SPIDR: variants seen among roughly 807,000 people sequenced by gnomAD.
SPIDR encodes DNA repair-scaffolding protein.
In SPIDR, 93 loss-of-function variants were observed where a neutral mutation model predicts 104.6. That is an observed-to-expected ratio of 0.89 (90% CI 0.75 to 1.06). SPIDR has a LOEUF of 1.06. Ranked by LOEUF, SPIDR falls within the 50% of genes least tolerant of loss-of-function variation. The probability of loss-of-function intolerance (pLI) is 0.00; values close to 1 mark genes in which losing one functional copy is unlikely to be tolerated. For synonymous variants in SPIDR, 431 were observed against 416.9 expected, an observed-to-expected ratio of 1.03 and a Z score of -0.41; for missense variants, 1,154 against 1,111.2, an observed-to-expected ratio of 1.04 and a Z score of -0.55.
intron 8 of SPIDR, among the ~76,000 whole-genome samples, chr8:47,566,152 A>G (rs2057811915): frequency 6.6e-6 from 1 of 150,706 alleles, no homozygotes; most frequent in Admixed American, 6.6e-5. Context: ...GACTACAGGC[A>G]TGAGCCACCA....
intron 10 of SPIDR, among the ~76,000 whole-genome samples, chr8:47,604,538 G>A (rs1408894909): frequency 6.6e-6 from 1 of 152,208 alleles, no homozygotes; most frequent in African/African-American, 2.4e-5. Flanking sequence ...CCGTAGTCCA[G>A]GTCAGAGAGG....
chr8:47,457,902 T>C (rs2073263854), intron 8 of SPIDR, among the ~76,000 whole-genome samples: 2 of 152,204 alleles, frequency 1.3e-5, no homozygotes, highest in African/African-American at 4.8e-5. Context: ...TCAGTGGCTG[T>C]AAGTATTTGG....
intron 8 of SPIDR, among the ~76,000 whole-genome samples, chr8:47,492,081 C>A (rs113340596): frequency 2.0e-5 from 3 of 151,950 alleles, no homozygotes; most frequent in African/African-American, 7.2e-5. Flanking sequence ...GAGAAGCCTG[C>A]ATAACTAGAC....
At chr8:47,578,612 T>A (rs2059387680) in intron 8 of SPIDR, among the ~76,000 whole-genome samples, 2 of 152,214 alleles carry the variant, frequency 1.3e-5, no homozygotes, top group Non-Finnish European at 2.9e-5. Context: ...TGTCTGAAAC[T>A]TGTTACTTTT....
chr8:47,562,830 C>G (rs1194618277), intron 8 of SPIDR, among the ~76,000 whole-genome samples: 1 of 152,166 alleles, frequency 6.6e-6, no homozygotes, highest in Non-Finnish European at 1.5e-5. Flanking sequence ...TCATCCCCGC[C>G]AAACTTCACC....
intron 5 of SPIDR, among the ~76,000 whole-genome samples, chr8:47,322,597 C>T (rs138272142): frequency 0.022 from 3,314 of 152,218 alleles, 95 homozygotes; most frequent in East Asian, 0.08. Context: ...GGTATATACC[C>T]AAAGGATTAT....
intron 10 of SPIDR, among the ~76,000 whole-genome samples, chr8:47,664,675 A>G (rs2074640785): frequency 1.4e-5 from 2 of 144,418 alleles, no homozygotes. Flanking sequence ...TGGGAGGCCA[A>G]GGCTAGTGGA....
At chr8:47,514,244 G>A (rs975981749) in intron 8 of SPIDR, among the ~76,000 whole-genome samples, 1 of 151,856 alleles carries the variant, frequency 6.6e-6, no homozygotes, top group Non-Finnish European at 1.5e-5. Flanking sequence ...TCATTCATTT[G>A]GTATAGAAAT....
At chr8:47,647,650 GAGAGGGAGAGAGA>G (rs1237430145) in intron 10 of SPIDR, among the ~76,000 whole-genome samples, 9 of 145,538 alleles carry the variant, frequency 6.2e-5, no homozygotes, top group African/African-American at 2.3e-4. Context: ...GAGAGAGAGA[GAGAGGGAGAGAGA>G]GAGAGGGAGA....
rs1366697591 is a variant in SPIDR, at chr8:47,466,937, A to G, written c.1097+26395A>G. Among the ~76,000 whole-genome samples the G allele has an allele frequency of 6.6e-4, 98 of 147,510 alleles. 1 individual carries two copies. Among genetic ancestry groups the G allele is most frequent in the African/African-American group, 2.3e-3 (95 of 40,764 alleles). ...TATAGATAGATAGATAGATAGATAG[A>G]TAGATAGATAGATATAAAAAATAGA... On this transcript the variant is annotated intron_variant, in intron 8 of 19. Transcript: ENST00000297423.
chr8:47,700,430 C>T lies in SPIDR; in HGVS notation c.1713C>T (p.Asp571=), dbSNP rs1279781547. 1.9e-6 allele frequency: 3 copies of T among 1,614,086 alleles called. No individual in the cohort carries two copies. Among genetic ancestry groups the T allele is most frequent in the Non-Finnish European group, 2.5e-6 (3 of 1,180,050 alleles). Residue 571 remains aspartate, a synonymous_variant, in exon 12 of 20, where the codon GAC becomes GAT. Transcript: ENST00000297423. ...GRTAGIFSLI[D]TLWPPAIPLK... ...CAGCGGGGATTTTCAGTTTGATTGA[C>T]ACCCTGTGGCCCCCAGCGATACCTC...
chr8:47,718,076 G>A (rs2082822882), intron 16 of SPIDR, among the ~76,000 whole-genome samples: 1 of 152,186 alleles, frequency 6.6e-6, no homozygotes, highest in African/African-American at 2.4e-5. Flanking sequence ...TAGAGGCTGG[G>A]GTTCCCTGTA....
intron 8 of SPIDR, among the ~76,000 whole-genome samples, chr8:47,458,370 A>ATTTTATTTTATTTTG (rs2073373489): frequency 6.8e-5 from 10 of 148,086 alleles, no homozygotes; most frequent in African/African-American, 2.5e-4. Context: ...ATTTTATTTT[A>ATTTTATTTTATTTTG]TTTTATTTTA....
At chr8:47,450,422 C>T (rs782769061) in intron 8 of SPIDR, among the ~76,000 whole-genome samples, 1 of 152,246 alleles carries the variant, frequency 6.6e-6, no homozygotes, top group African/African-American at 2.4e-5. Flanking sequence ...GGTCCCACCT[C>T]CCAATACTGC....
chr8:47,577,609 G>T (rs551897750), intron 8 of SPIDR, among the ~76,000 whole-genome samples: 1 of 152,216 alleles, frequency 6.6e-6, no homozygotes, highest in Non-Finnish European at 1.5e-5. Context: ...TGGAGGACCA[G>T]CTTGAGAAAG....
intron 8 of SPIDR, among the ~76,000 whole-genome samples, chr8:47,540,004 G>A (rs960813924): frequency 3.9e-5 from 6 of 152,136 alleles, no homozygotes; most frequent in African/African-American, 1.4e-4. Context: ...GAAAAGGGAA[G>A]CACAGTTTTG....
chr8:47,353,795 A>C (rs1243227743), intron 5 of SPIDR, among the ~76,000 whole-genome samples: 1 of 151,936 alleles, frequency 6.6e-6, no homozygotes, highest in Non-Finnish European at 1.5e-5. Flanking sequence ...TTCAGTGACG[A>C]AGATTGCTGG....
At chr8:47,328,333 A>C (rs1262689207) in intron 5 of SPIDR, among the ~76,000 whole-genome samples, 7 of 151,548 alleles carry the variant, frequency 4.6e-5, no homozygotes, top group African/African-American at 1.5e-4. Flanking sequence ...ATCATAGCTT[A>C]CTGCAGCCTT....
chr8:47,478,307 A>G (rs575006575), intron 8 of SPIDR, among the ~76,000 whole-genome samples: 1 of 152,330 alleles, frequency 6.6e-6, no homozygotes, highest in Admixed American at 6.5e-5. Flanking sequence ...AGGATTAACC[A>G]GCAGCAAGAA....
Sources: gnomAD v4.1 joint callset for allele counts (sites outside exome capture counted in the v4.1 genomes callset) on GRCh38, gnomAD v4.1.1 for gene constraint, MANE v1.5 for transcripts, NCBI Gene and HGNC (gene_info 2026-07-23, HGNC 2026-07-21) for gene names.